Variants in MAP4K3 observed in about 807,000 individuals in gnomAD.
MAP4K3 encodes the protein mitogen-activated protein kinase kinase kinase kinase 3.
A neutral mutation model predicts 143.5 loss-of-function variants in MAP4K3; 94 were observed. The ratio of observed to expected loss-of-function variants is 0.65; its 90% confidence interval spans 0.55 to 0.78. The LOEUF (loss-of-function observed/expected upper bound fraction) is 0.78, where lower values mean the gene tolerates loss of function less well. MAP4K3 is among the 30% of genes least tolerant of loss of function. MAP4K3 has a pLI of 0.00. For missense variants in MAP4K3, 1,077 were observed against 1,068.1 expected, an observed-to-expected ratio of 1.01 and a Z score of -0.12; for synonymous variants, 416 against 347.2, an observed-to-expected ratio of 1.20 and a Z score of -2.20.
In MAP4K3 at chr2:39,354,828, T is replaced by G. The variant is rs182967230; in HGVS notation, c.245+1421A>C. ...CAGAATACCCTAGTCTTTTCTGTTG[T>G]GCCCAAAAGAGAAGAGAAAAAGTGT... On this transcript the variant is annotated intron_variant, in intron 3 of 33. Transcript: ENST00000263881. Among the ~76,000 whole-genome samples the G allele has an allele frequency of 3.9e-5, 6 of 152,344 alleles. No individual in the cohort carries two copies. In the East Asian group the frequency reaches 1.2e-3, roughly 29 times the overall value.
At chr2:39,276,628 A>T (rs540771170) in intron 24 of MAP4K3, among the ~76,000 whole-genome samples, 2 of 152,338 alleles carry the variant, frequency 1.3e-5, no homozygotes, top group South Asian at 4.1e-4. Flanking sequence ...AATGGTGTCT[A>T]CCTGTGAGAG....
chr2:39,328,974 T>C (rs1389569478), intron 8 of MAP4K3, among the ~76,000 whole-genome samples: 3 of 152,198 alleles, frequency 2.0e-5, no homozygotes, highest in Non-Finnish European at 4.4e-5. Context: ...ATCTAATCAC[T>C]TGGGAAGAGA....
intron 1 of MAP4K3, among the ~76,000 whole-genome samples, chr2:39,394,141 A>G (rs1256090839): frequency 6.6e-6 from 1 of 152,234 alleles, no homozygotes; most frequent in African/African-American, 2.4e-5. Flanking sequence ...CTTGCTAAAA[A>G]TCTGCCTACT....
At chr2:39,373,545 A>T (rs1449262019) in intron 2 of MAP4K3, among the ~76,000 whole-genome samples, 2 of 152,256 alleles carry the variant, frequency 1.3e-5, no homozygotes, top group Non-Finnish European at 2.9e-5. Flanking sequence ...CTAAGTGTCC[A>T]TCAACAGATG....
chr2:39,352,487 T>C (rs1199219510), intron 3 of MAP4K3, among the ~76,000 whole-genome samples: 1 of 152,202 alleles, frequency 6.6e-6, no homozygotes, highest in South Asian at 2.1e-4. Flanking sequence ...AAAAGAATTG[T>C]AAAGAATAAG....
At chr2:39,298,918 T>C (rs933596192) in intron 16 of MAP4K3, among the ~76,000 whole-genome samples, 2 of 147,618 alleles carry the variant, frequency 1.4e-5, no homozygotes, top group African/African-American at 5.1e-5. Context: ...TGGGCCAAGT[T>C]CACGCCACTG....
chr2:39,371,918 T>C (rs1025564461), intron 2 of MAP4K3, among the ~76,000 whole-genome samples: 53 of 150,142 alleles, frequency 3.5e-4, no homozygotes, highest in Non-Finnish European at 3.0e-4. Flanking sequence ...TTACATATAT[T>C]TATATATTAA....
At chr2:39,275,163 G>A (rs1681194185) in intron 24 of MAP4K3, among the ~76,000 whole-genome samples, 1 of 152,184 alleles carries the variant, frequency 6.6e-6, no homozygotes, top group Admixed American at 6.5e-5. Flanking sequence ...ATTGCAGACT[G>A]GGGCTAGGTG....
chr2:39,364,878 A>AAG (rs1195372441), intron 2 of MAP4K3, among the ~76,000 whole-genome samples: 1 of 151,492 alleles, frequency 6.6e-6, no homozygotes, highest in East Asian at 1.9e-4. Context: ...AAAAAAAAAA[A>AAG]AAAAAAGATA....
intron 4 of MAP4K3, among the ~76,000 whole-genome samples, chr2:39,341,597 A>C (rs1665141595): frequency 6.6e-6 from 1 of 151,972 alleles, no homozygotes; most frequent in Non-Finnish European, 1.5e-5. Context: ...TGGAGGTTGC[A>C]GTGAGCCGAG....
At chr2:39,275,578 T>C (rs775018889) in intron 24 of MAP4K3, among the ~76,000 whole-genome samples, 5 of 152,216 alleles carry the variant, frequency 3.3e-5, no homozygotes, top group Non-Finnish European at 7.3e-5. Context: ...ACAATTAATA[T>C]TGTTACCAAT....
chr2:39,431,157 G>A (rs1665272423), intron 1 of MAP4K3, among the ~76,000 whole-genome samples: 2 of 152,254 alleles, frequency 1.3e-5, no homozygotes, highest in South Asian at 4.1e-4. Context: ...TAAGTAAAGA[G>A]TCCAACTGAA....
At chr2:39,294,706 T>G (rs1378294928) in intron 16 of MAP4K3, among the ~76,000 whole-genome samples, 2 of 152,222 alleles carry the variant, frequency 1.3e-5, no homozygotes, top group Non-Finnish European at 2.9e-5. Context: ...TCTACTGAAT[T>G]AATGTAGGTA....
chr2:39,324,331 CA>C (rs1397694774), intron 12 of MAP4K3, among the ~76,000 whole-genome samples: 3 of 151,818 alleles, frequency 2.0e-5, no homozygotes, highest in African/African-American at 7.3e-5. Flanking sequence ...CGTTTGAACC[CA>C]GGAGGCAGAG....
intron 2 of MAP4K3, among the ~76,000 whole-genome samples, chr2:39,375,450 C>T (rs1038694772): frequency 3.9e-5 from 6 of 151,966 alleles, no homozygotes; most frequent in African/African-American, 1.5e-4. Flanking sequence ...GGGAACTTTA[C>T]AGGATAAATG....
chr2:39,360,357 A>T (rs932932649), intron 2 of MAP4K3, among the ~76,000 whole-genome samples: 2 of 152,182 alleles, frequency 1.3e-5, no homozygotes, highest in African/African-American at 4.8e-5. Context: ...GCCATTCAAC[A>T]TGTTTCTAGA....
chr2:39,386,817 G>GTTTTTTTTTTTTTTTT (rs774347519), intron 1 of MAP4K3, among the ~76,000 whole-genome samples: 1 of 32,164 alleles, frequency 3.1e-5, no homozygotes, highest in African/African-American at 7.7e-5. Context: ...TTTTTTTGTT[G>GTTTTTTTTTTTTTTTT]TTCTTTTTTT....
intron 17 of MAP4K3, 30 bp from the exon 18 acceptor site, chr2:39,292,856 TA>T: frequency 6.3e-7 from 1 of 1,578,274 alleles, no homozygotes; most frequent in Non-Finnish European, 8.7e-7. Flanking sequence ...TCATTGTTAT[TA>T]AATGGATTTT....
intron 1 of MAP4K3, among the ~76,000 whole-genome samples, chr2:39,386,587 G>GT (rs1666511161): frequency 6.6e-6 from 1 of 152,092 alleles, no homozygotes; most frequent in Non-Finnish European, 1.5e-5. Flanking sequence ...AAGGTGTACA[G>GT]TTTAAGTTTA....
Sources: gnomAD v4.1 joint callset for allele counts (sites outside exome capture counted in the v4.1 genomes callset) on GRCh38, gnomAD v4.1.1 for gene constraint, MANE v1.5 for transcripts, NCBI Gene and HGNC (gene_info 2026-07-23, HGNC 2026-07-21) for gene names.